MED27: variants seen among roughly 807,000 people sequenced by gnomAD.
MED27 encodes mediator of RNA polymerase II transcription subunit 27.
Under a neutral mutation model 38.2 loss-of-function variants are expected in MED27, and 30 were observed. That is an observed-to-expected ratio of 0.79 (90% CI 0.59 to 1.07). MED27 has a LOEUF of 1.07. Ranked by LOEUF, MED27 falls within the 50% of genes least tolerant of loss-of-function variation. The probability of loss-of-function intolerance (pLI) is 0.00; values close to 1 mark genes in which losing one functional copy is unlikely to be tolerated. For synonymous variants in MED27, 122 were observed against 153.5 expected (o/e 0.79, Z 1.52); for missense variants, 289 against 397.5 (o/e 0.73, Z 2.32).
intron 3 of MED27, among the ~76,000 whole-genome samples, chr9:131,941,091 G>A (rs572397886): frequency 6.6e-6 from 1 of 152,288 alleles, no homozygotes; most frequent in East Asian, 1.9e-4. Context: ...GCACTGAGTA[G>A]GGTCTGGCTC....
In MED27 at chr9:132,079,673, C is replaced by T. The variant is rs1834130868; in HGVS notation, c.172G>A (p.Asp58Asn). 6.2e-7 allele frequency: 1 copy of T among 1,612,592 alleles called. No homozygotes were observed. Among genetic ancestry groups the T allele is most frequent in the Non-Finnish European group, 8.5e-7 (1 of 1,179,862 alleles). Reference sequence around the variant, plus strand: ...TCCCGGTTGACCGAATGTAAGTTGTCCTGGAAGTGCGCAATAAAGGCCTTC... The same window carrying T: ...TCCCGGTTGACCGAATGTAAGTTGTTCTGGAAGTGCGCAATAAAGGCCTTC... ...REKAFIAHFQ[D>N]NLHSVNRDLN... Residue 58 changes from aspartate (D) to asparagine (N), a missense_variant, in exon 1 of 8, where the codon GAC becomes AAC. Asp to Asn is a conservative substitution (Grantham distance 23). Coordinates refer to ENST00000292035, the MANE Select transcript of MED27 (RefSeq NM_004269.4).
chr9:131,914,199 C>T (rs1054183696), intron 4 of MED27, among the ~76,000 whole-genome samples: 7 of 152,054 alleles, frequency 4.6e-5, no homozygotes, highest in South Asian at 4.2e-4. Flanking sequence ...TTGATGACAA[C>T]GATGAACAAA....
chr9:132,033,356 C>T (rs912248187), intron 2 of MED27, among the ~76,000 whole-genome samples: 1 of 152,216 alleles, frequency 6.6e-6, no homozygotes, highest in African/African-American at 2.4e-5. Flanking sequence ...TTTCTTTTCA[C>T]TTACACTCCA....
intron 4 of MED27, among the ~76,000 whole-genome samples, chr9:131,930,460 G>C (rs544630975): frequency 6.6e-6 from 1 of 152,154 alleles, no homozygotes; most frequent in African/African-American, 2.4e-5. Context: ...GAGTGGCATG[G>C]CATATTTGAA....
chr9:132,061,158 G>A (rs1833687980), intron 2 of MED27, among the ~76,000 whole-genome samples: 1 of 152,220 alleles, frequency 6.6e-6, no homozygotes, highest in African/African-American at 2.4e-5. Context: ...GGATGTGGGT[G>A]AAACCTTGAT....
In MED27 at chr9:132,047,441, GACACAC is replaced by G. The variant is rs56144736; in HGVS notation, c.348+29995_348+30000del. Among the ~76,000 whole-genome samples the G allele has an allele frequency of 3.6e-3, 528 of 145,262 alleles. 2 individuals carry two copies. Among genetic ancestry groups the G allele is most frequent in the African/African-American group, 0.011 (445 of 39,224 alleles). ...AAATGCTTCATTTCATAATGTTTTA[GACACAC>G]ACACACACACACACACACACACACA... On this transcript the variant is annotated intron_variant, in intron 2 of 7. Transcript: ENST00000292035.
intron 2 of MED27, among the ~76,000 whole-genome samples, chr9:132,062,369 A>C (rs900332394): frequency 6.6e-6 from 1 of 152,218 alleles, no homozygotes; most frequent in Non-Finnish European, 1.5e-5. Flanking sequence ...CAACTTGGGG[A>C]GTTAGAAAAG....
chr9:131,927,809 T>A (rs1295660396), intron 4 of MED27, among the ~76,000 whole-genome samples: 1 of 152,118 alleles, frequency 6.6e-6, no homozygotes, highest in Non-Finnish European at 1.5e-5. Flanking sequence ...TTTTATACTC[T>A]GAAGAAACTG....
At chr9:132,044,416 TG>T (rs1833286961) in intron 2 of MED27, among the ~76,000 whole-genome samples, 1 of 152,228 alleles carries the variant, frequency 6.6e-6, no homozygotes, top group Non-Finnish European at 1.5e-5. Flanking sequence ...GCTTTTTCAG[TG>T]ATCTTGCATC....
At chr9:131,987,341 G>C (rs1028855203) in intron 3 of MED27, among the ~76,000 whole-genome samples, 13 of 152,302 alleles carry the variant, frequency 8.5e-5, no homozygotes, top group African/African-American at 3.1e-4. Context: ...AGTATCTGTA[G>C]ATGTGGAGAT....
chr9:131,927,765 T>A (rs2131560817), intron 4 of MED27, among the ~76,000 whole-genome samples: 1 of 152,282 alleles, frequency 6.6e-6, no homozygotes, highest in East Asian at 1.9e-4. Context: ...GCTCAAAAAG[T>A]GCCAATTTGG....
chr9:131,970,087 T>C (rs1360246644), intron 3 of MED27, among the ~76,000 whole-genome samples: 2 of 152,170 alleles, frequency 1.3e-5, no homozygotes, highest in Non-Finnish European at 2.9e-5. Context: ...AGCGGGAGCC[T>C]TGACAAGTGG....
Position 131,876,140 on chromosome 9 carries a change from A to C in MED27, c.723+7918T>G, listed in dbSNP as rs1306980967. ...GCCCATGCATGGAGTTTACAGCCCT[A>C]TGGGCTGAGGACGGAGACCTGGGGA... is the stretch of plus-strand genomic sequence containing the variant. On this transcript the variant is annotated intron_variant, in intron 6 of 7. Coordinates refer to ENST00000292035, the MANE Select transcript of MED27 (RefSeq NM_004269.4). Among the ~76,000 whole-genome samples the C allele has an allele frequency of 2.6e-5, 4 of 152,292 alleles. 1 individual carries two copies. In the South Asian group the frequency reaches 8.3e-4, roughly 32 times the overall value.
intron 3 of MED27, among the ~76,000 whole-genome samples, chr9:131,981,897 G>A (rs1831745296): frequency 6.6e-6 from 1 of 152,184 alleles, no homozygotes. Flanking sequence ...GTGGTAGACA[G>A]GGTAAGAAAA....
At chr9:131,894,527 G>C (rs1240444916) in intron 4 of MED27, among the ~76,000 whole-genome samples, 7 of 151,992 alleles carry the variant, frequency 4.6e-5, no homozygotes, top group Admixed American at 4.6e-4. Flanking sequence ...GAGGTAAAAG[G>C]AAAGTAGCTG....
chr9:132,049,955 T>C (rs1255600801), intron 2 of MED27, among the ~76,000 whole-genome samples: 1 of 152,192 alleles, frequency 6.6e-6, no homozygotes, highest in African/African-American at 2.4e-5. Flanking sequence ...ACTATTTTTT[T>C]TTTCCTCAAA....
rs1402134910 is a variant in MED27 at position 132,046,266 on chromosome 9, A to G, written c.348+31176T>C. ...ACTGCAGTGGTTCACCTATCAACTA[A>G]GTAAAGATGAAAGTAGTTTTATTTT... is the stretch of plus-strand genomic sequence containing the variant. On this transcript the variant is annotated intron_variant, in intron 2 of 7. Coordinates refer to ENST00000292035, the MANE Select transcript of MED27 (RefSeq NM_004269.4). Among the ~76,000 whole-genome samples the G allele has an allele frequency of 2.0e-5, 3 of 152,226 alleles. No homozygotes were observed. In the East Asian group the frequency reaches 5.8e-4, roughly 29 times the overall value.
At chr9:131,896,339 T>C (rs1017191506) in intron 4 of MED27, among the ~76,000 whole-genome samples, 2 of 152,232 alleles carry the variant, frequency 1.3e-5, no homozygotes, top group African/African-American at 4.8e-5. Context: ...CTTTCTTTGC[T>C]AATAAGCCTA....
At chr9:132,027,142 A>G (rs1363330778) in intron 2 of MED27, among the ~76,000 whole-genome samples, 1 of 152,242 alleles carries the variant, frequency 6.6e-6, no homozygotes, top group African/African-American at 2.4e-5. Flanking sequence ...TGAATTCTGA[A>G]TCAACGGAGT....
Sources: allele counts gnomAD v4.1 joint callset (sites outside exome capture counted in the v4.1 genomes callset), GRCh38; gene constraint gnomAD v4.1.1; transcripts MANE v1.5; gene names NCBI Gene and HGNC (gene_info 2026-07-23, HGNC 2026-07-21).